WWOX: variants seen among roughly 807,000 people sequenced by gnomAD.
The protein encoded by WWOX is WW domain-containing oxidoreductase.
Under a neutral mutation model 46.2 loss-of-function variants are expected in WWOX, and 69 were observed. The ratio of observed to expected loss-of-function variants is 1.49; its 90% CI spans 1.23 to 1.82. WWOX has a LOEUF of 1.82. WWOX is among the 40% of genes most tolerant of loss of function. The pLI, the probability that WWOX is intolerant of heterozygous loss-of-function variation, is 0.00. For synonymous variants in WWOX, 359 were observed against 202.6 expected, an observed-to-expected ratio of 1.77 and a Z score of -6.56; for missense variants, 919 against 542.6, an observed-to-expected ratio of 1.69 and a Z score of -6.89.
At chr16:78,314,533 T>C (rs1410825913) in intron 5 of WWOX, among the ~76,000 whole-genome samples, 2 of 149,738 alleles carry the variant, frequency 1.3e-5, no homozygotes, top group African/African-American at 4.9e-5. Flanking sequence ...GGGGTTTTTT[T>C]TTTTTTTTGA....
At chr16:78,706,575 C>T (rs1234369784) in intron 8 of WWOX, among the ~76,000 whole-genome samples, 1 of 152,206 alleles carries the variant, frequency 6.6e-6, no homozygotes, top group Admixed American at 6.5e-5. Flanking sequence ...GAGCTCAGCA[C>T]ACTTGGTGCA....
At chr16:78,501,193 C>CTTTTTTTT (rs1218791135) in intron 8 of WWOX, among the ~76,000 whole-genome samples, 15 of 90,954 alleles carry the variant, frequency 1.6e-4, no homozygotes, top group African/African-American at 4.4e-4. Context: ...CTTTCTTTCT[C>CTTTTTTTT]TTTTTTTTTT....
intron 8 of WWOX, among the ~76,000 whole-genome samples, chr16:78,865,010 A>G (rs1363273870): frequency 2.6e-5 from 4 of 151,244 alleles, no homozygotes; most frequent in Non-Finnish European, 5.9e-5. Context: ...TGATCCACCC[A>G]TCTTGGCCTC....
chr16:79,209,916 A>C (rs1160052769), intron 8 of WWOX, among the ~76,000 whole-genome samples: 3 of 152,238 alleles, frequency 2.0e-5, no homozygotes, highest in African/African-American at 4.8e-5. Context: ...ATTAGACTTG[A>C]GCCACACAAA....
intron 8 of WWOX, among the ~76,000 whole-genome samples, chr16:79,030,748 C>G (rs987069148): frequency 6.6e-6 from 1 of 152,086 alleles, no homozygotes; most frequent in Non-Finnish European, 1.5e-5. Context: ...ATCAAACAAA[C>G]ACCATGCCAA....
At chr16:78,708,396 A>C (rs550828166) in intron 8 of WWOX, among the ~76,000 whole-genome samples, 1 of 152,194 alleles carries the variant, frequency 6.6e-6, no homozygotes, top group African/African-American at 2.4e-5. Flanking sequence ...TAGACGTAGC[A>C]CCTACCTGTG....
At chr16:78,771,108 G>T (rs1455122876) in intron 8 of WWOX, among the ~76,000 whole-genome samples, 4 of 152,196 alleles carry the variant, frequency 2.6e-5, no homozygotes, top group Non-Finnish European at 5.9e-5. Context: ...CACAGCAGGT[G>T]TGGATGAAGG....
chr16:78,633,081 G>C (rs2046476574), intron 8 of WWOX, among the ~76,000 whole-genome samples: 1 of 152,016 alleles, frequency 6.6e-6, no homozygotes, highest in South Asian at 2.1e-4. Context: ...TGGCCAACAT[G>C]GTGAAACCCT....
At chr16:78,361,978 T>TTTC (rs2087320915) in intron 5 of WWOX, among the ~76,000 whole-genome samples, 1 of 151,712 alleles carries the variant, frequency 6.6e-6, no homozygotes, top group African/African-American at 2.4e-5. Context: ...TTCCTTTTTT[T>TTTC]TTTTTTGATT....
intron 8 of WWOX, among the ~76,000 whole-genome samples, chr16:79,073,909 T>C (rs1384123861): frequency 1.3e-5 from 2 of 152,228 alleles, no homozygotes; most frequent in Non-Finnish European, 2.9e-5. Context: ...TATGTCCTTT[T>C]TAATTTCCTT....
At chr16:78,318,270 G>A (rs1033797499) in intron 5 of WWOX, among the ~76,000 whole-genome samples, 15 of 80,968 alleles carry the variant, frequency 1.9e-4, no homozygotes, top group East Asian at 4.8e-4. Context: ...CGTCTGGGAG[G>A]AATTTTTTTT....
At chr16:78,826,851 A>C (rs7184196) in intron 8 of WWOX, among the ~76,000 whole-genome samples, 129,443 of 152,178 alleles carry the variant, frequency 0.85, 55,403 homozygotes, top group African/African-American at 0.93. Flanking sequence ...TTCTGGATTT[A>C]CTTAGCTGTC....
In WWOX at chr16:78,647,456, C is replaced by T. The variant is rs117233841; in HGVS notation, c.1056+214704C>T. On this transcript the variant is annotated intron_variant, in intron 8 of 8. Transcript: ENST00000566780. ...GCACACGGTTCCATGATCATGGACCCGTTCAGTACACAATGAAATCATTTG... is the reference window on the plus strand; with the variant it reads ...GCACACGGTTCCATGATCATGGACCTGTTCAGTACACAATGAAATCATTTG... Among the ~76,000 whole-genome samples, 41 of 152,236 alleles carry T rather than the reference C, an allele frequency of 2.7e-4. No individual in the cohort carries two copies. The East Asian group carries it at 6.2e-3, about 23-fold the overall frequency.
chr16:78,678,434 C>T, intron 8 of WWOX, among the ~76,000 whole-genome samples: 1 of 152,264 alleles, frequency 6.6e-6, no homozygotes, highest in Middle Eastern at 3.4e-3. Flanking sequence ...TTAGTTTGGC[C>T]TCAATCTTTA....
At chr16:78,635,689 T>C (rs950817322) in intron 8 of WWOX, among the ~76,000 whole-genome samples, 3 of 152,186 alleles carry the variant, frequency 2.0e-5, no homozygotes, top group East Asian at 3.9e-4. Context: ...GAGTACTCAC[T>C]ACTTAGCGCT....
chr16:78,806,239 A>G (rs1027813753), intron 8 of WWOX, among the ~76,000 whole-genome samples: 2 of 152,066 alleles, frequency 1.3e-5, no homozygotes, highest in East Asian at 3.9e-4. Flanking sequence ...GATTTCTTTC[A>G]TGAGAACCCA....
intron 8 of WWOX, among the ~76,000 whole-genome samples, chr16:78,546,539 A>G (rs1212238432): frequency 6.6e-6 from 1 of 152,198 alleles, no homozygotes; most frequent in Non-Finnish European, 1.5e-5. Context: ...TTACGATTCC[A>G]TTGTTTATAT....
At chr16:78,179,396 G>T (rs1393725841) in intron 5 of WWOX, among the ~76,000 whole-genome samples, 1 of 152,146 alleles carries the variant, frequency 6.6e-6, no homozygotes, top group African/African-American at 2.4e-5. Context: ...GACTTTCTGA[G>T]ATCATCCAAC....
intron 8 of WWOX, among the ~76,000 whole-genome samples, chr16:78,868,672 G>C (rs2044059946): frequency 6.6e-6 from 1 of 152,124 alleles, no homozygotes; most frequent in African/African-American, 2.4e-5. Flanking sequence ...AGTTTAGCAA[G>C]AGTCACTCTG....
Sources: gnomAD v4.1 joint callset for allele counts (sites outside exome capture counted in the v4.1 genomes callset) on GRCh38, gnomAD v4.1.1 for gene constraint, MANE v1.5 for transcripts, NCBI Gene and HGNC (gene_info 2026-07-23, HGNC 2026-07-21) for gene names.